NPHS2: variants seen among roughly 807,000 people sequenced by gnomAD.
The protein encoded by NPHS2 is NPHS2 stomatin family member, podocin.
In NPHS2, 36 loss-of-function variants were observed where a neutral mutation model predicts 37.1. That is an observed-to-expected ratio of 0.97 (90% CI 0.74 to 1.28). The LOEUF (loss-of-function observed/expected upper bound fraction) is 1.28. NPHS2 is among the 50% of genes most tolerant of loss of function. The probability of loss-of-function intolerance (pLI) is 0.00; values close to 1 mark genes in which losing one functional copy is unlikely to be tolerated. For synonymous variants in NPHS2, 196 were observed against 189.3 expected, an observed-to-expected ratio of 1.04 and a Z score of -0.29; for missense variants, 447 against 488.1, an observed-to-expected ratio of 0.92 and a Z score of 0.79.
At chr1:179,566,898 G>A (rs1275349343) in intron 1 of NPHS2, among the ~76,000 whole-genome samples, 5 of 152,064 alleles carry the variant, frequency 3.3e-5, no homozygotes, top group Non-Finnish European at 5.9e-5. Flanking sequence ...TATTTCTGAG[G>A]CCTCTGTTCT....
At chr1:179,571,824 A>G (rs1006862115) in intron 1 of NPHS2, among the ~76,000 whole-genome samples, 6 of 152,234 alleles carry the variant, frequency 3.9e-5, no homozygotes, top group African/African-American at 1.4e-4. Flanking sequence ...TCAATCTCAG[A>G]CTGCTGCGCT....
At chr1:179,572,838 T>C (rs1217376641) in intron 1 of NPHS2, among the ~76,000 whole-genome samples, 2 of 151,734 alleles carry the variant, frequency 1.3e-5, no homozygotes, top group Non-Finnish European at 2.9e-5. Flanking sequence ...CATCTTTCCT[T>C]CTTTTTTTCT....
chr1:179,557,628 A>G (rs991857227), intron 4 of NPHS2, among the ~76,000 whole-genome samples: 2 of 152,200 alleles, frequency 1.3e-5, no homozygotes, highest in African/African-American at 4.8e-5. Flanking sequence ...TATACATCAT[A>G]AGCCCTAGAA....
At chr1:179,571,469 G>A (rs540784683) in intron 1 of NPHS2, among the ~76,000 whole-genome samples, 25 of 152,306 alleles carry the variant, frequency 1.6e-4, no homozygotes, top group Admixed American at 1.6e-3. Flanking sequence ...CCGCCTATAT[G>A]AGGTGTCTGT....
chr1:179,568,652 AT>A (rs1286384883), intron 1 of NPHS2, among the ~76,000 whole-genome samples: 1 of 152,052 alleles, frequency 6.6e-6, no homozygotes, highest in African/African-American at 2.4e-5. Context: ...TAGGGTGTCA[AT>A]TTTAGATCTT....
chr1:179,551,863 T>A, intron 7 of NPHS2: 1 of 216,894 alleles, frequency 4.6e-6, no homozygotes. Flanking sequence ...ACTACACAAA[T>A]GCTACCTGAA....
At chr1:179,563,940 G>A (rs68054120) in intron 2 of NPHS2, among the ~76,000 whole-genome samples, 21,888 of 152,188 alleles carry the variant, frequency 0.14, 2,561 homozygotes, top group African/African-American at 0.32. Flanking sequence ...GCTACAGCCA[G>A]TGACTGAGAT....
chr1:179,559,276 T>C (rs1674046942), intron 4 of NPHS2, among the ~76,000 whole-genome samples: 1 of 152,146 alleles, frequency 6.6e-6, no homozygotes, highest in African/African-American at 2.4e-5. Context: ...GTTAATCCCA[T>C]CTAAAAAAGT....
At chr1:179,567,483 TTC>T (rs1312078940) in intron 1 of NPHS2, among the ~76,000 whole-genome samples, 3 of 152,206 alleles carry the variant, frequency 2.0e-5, no homozygotes, top group Non-Finnish European at 2.9e-5. Flanking sequence ...TGATGGGGTT[TTC>T]TAAATATACA....
chr1:179,562,559 A>G (rs939348219), intron 2 of NPHS2, among the ~76,000 whole-genome samples: 15 of 152,242 alleles, frequency 9.9e-5, no homozygotes, highest in African/African-American at 3.6e-4. Context: ...AACTAGTCAA[A>G]TATAAAAATG....
intron 3 of NPHS2, among the ~76,000 whole-genome samples, chr1:179,560,314 A>C (rs1250162882): frequency 6.6e-6 from 1 of 152,186 alleles, no homozygotes; most frequent in Non-Finnish European, 1.5e-5. Context: ...ATCAATGTGC[A>C]ATAAACATTT....
Position 179,551,443 on chromosome 1 carries a change from A to T in NPHS2, c.882T>A (p.Ala294=). 1 of 1,613,324 alleles carries T rather than the reference A, an allele frequency of 6.2e-7. No individual in the cohort carries two copies. Among genetic ancestry groups the T allele is most frequent in the East Asian group, 2.2e-5 (1 of 44,886 alleles). Residue 294 remains alanine (A), a synonymous_variant, in exon 8 of 8, where the codon GCT becomes GCA. Coordinates refer to ENST00000367615, the MANE Select transcript of NPHS2 (RefSeq NM_014625.4). ...CAGAAGCAGCCTTTTCCGCTTCTGCAGCAATCATCTAGAAAACATGTGACG... is the reference window on the plus strand; with the variant it reads ...CAGAAGCAGCCTTTTCCGCTTCTGCTGCAATCATCTAGAAAACATGTGACG... The part of the protein sequence containing the change: ...AQRQAKVRMI[A]AEAEKAASES...
At position 179,575,822 on chromosome 1, in the gene NPHS2, G is replaced by T; in HGVS notation, c.43C>A (p.Arg15=). 6.9e-7 allele frequency: 1 copy of T among 1,458,246 alleles called. No homozygotes were observed. The highest frequency in any genetic ancestry group is 2.8e-5 in the Admixed American group (1 of 35,366). 90.3% of individuals were successfully genotyped at this position (1,458,246 alleles called of 1,614,324 possible). Residue 15 remains arginine, a synonymous_variant, in exon 1 of 8, where the codon CGA becomes AGA. Transcript: ENST00000367615. ...ARSSSRESRG[R]GGRTPHKENK... ...TCCTTGTGCGGAGTCCTGCCGCCTC[G>T]CCCGCGGGACTCCCTGGAGGAGCTC...
In NPHS2 at chr1:179,554,511, G is replaced by A; in HGVS notation, c.759C>T (p.Thr253=). ...TCTCCACTTTGATTCCCCAAATACA[G>A]GTCACTGAATCCAAGGCAACCTGTG... ...QDAKVALDSV[T]CIWGIKVERI... Residue 253 remains threonine, a synonymous_variant, in exon 6 of 8, where the codon ACC becomes ACT. Coordinates refer to ENST00000367615, the MANE Select transcript of NPHS2 (RefSeq NM_014625.4). The A allele has an allele frequency of 6.2e-7, 1 of 1,614,052 alleles. No homozygotes were observed. Among genetic ancestry groups the A allele is most frequent in the Non-Finnish European group, 8.5e-7 (1 of 1,180,006 alleles).
At chr1:179,569,499 T>C (rs1256303202) in intron 1 of NPHS2, among the ~76,000 whole-genome samples, 1 of 152,230 alleles carries the variant, frequency 6.6e-6, no homozygotes, top group African/African-American at 2.4e-5. Flanking sequence ...TTATCCAATT[T>C]GCCAGTCTGT....
At chr1:179,551,753 T>A (rs143575977) in intron 7 of NPHS2, 16 of 385,024 alleles carry the variant, frequency 4.2e-5, no homozygotes, top group African/African-American at 3.0e-4. Flanking sequence ...GAGAAAAGAT[T>A]AGCCAGCATT....
intron 1 of NPHS2, among the ~76,000 whole-genome samples, chr1:179,567,737 T>C (rs1674389924): frequency 1.3e-5 from 2 of 152,184 alleles, no homozygotes; most frequent in South Asian, 4.2e-4. Flanking sequence ...TGAGATATGT[T>C]CCATCAATAC....
At position 179,559,229 on chromosome 1, in the gene NPHS2, G is replaced by A. The variant is rs371450814; in HGVS notation, c.534+450C>T. ...ATGAGGCCCATCCCACATTAGGGGA[G>A]GGTAATCTGCTTTACTCAACGTCTG... is the stretch of plus-strand genomic sequence containing the variant. On this transcript the variant is annotated intron_variant, in intron 4 of 7. Coordinates refer to ENST00000367615, the MANE Select transcript of NPHS2 (RefSeq NM_014625.4). 3.9e-5 allele frequency among the ~76,000 whole-genome samples: 6 copies of A among 152,208 alleles called. No individual in the cohort carries two copies. In the East Asian group the frequency reaches 1.2e-3, roughly 29 times the overall value.
chr1:179,550,982 G>A lies in NPHS2; in HGVS notation c.*191C>T. ...CTGACTAGATGAGTCACGGAAACATGTTGTCTGCCTTCTCTGTCATTACAT... is the reference window on the plus strand; with the variant it reads ...CTGACTAGATGAGTCACGGAAACATATTGTCTGCCTTCTCTGTCATTACAT... On this transcript the variant is annotated 3_prime_UTR_variant, in exon 8 of 8. Transcript: ENST00000367615. 1.5e-6 allele frequency: 1 copy of A among 675,674 alleles called. No individual in the cohort carries two copies. The highest frequency in any genetic ancestry group is 2.5e-6 in the Non-Finnish European group (1 of 395,418). The allele number at this position is 675,674 out of a possible 1,614,324, so 41.9% of individuals were successfully genotyped here.
Sources: gnomAD v4.1 joint callset for allele counts (sites outside exome capture counted in the v4.1 genomes callset) on GRCh38, gnomAD v4.1.1 for gene constraint, MANE v1.5 for transcripts, NCBI Gene and HGNC (gene_info 2026-07-23, HGNC 2026-07-21) for gene names.